ST6GALNAC3: variants seen among roughly 807,000 people sequenced by gnomAD.
The protein encoded by ST6GALNAC3 is alpha-N-acetylgalactosaminide alpha-2,6-sialyltransferase 3.
In ST6GALNAC3, 25 loss-of-function variants were observed where a neutral mutation model predicts 32.7. The observed-to-expected ratio is 0.76, with a 90% CI of 0.56 to 1.07. ST6GALNAC3 has a LOEUF of 1.07. ST6GALNAC3 is among the 50% of genes least tolerant of loss of function. The probability of loss-of-function intolerance (pLI) is 0.00; values close to 1 mark genes in which losing one functional copy is unlikely to be tolerated. For missense variants in ST6GALNAC3, 355 were observed against 382.4 expected, an observed-to-expected ratio of 0.93 and a Z score of 0.60; for synonymous variants, 129 against 133.1, an observed-to-expected ratio of 0.97 and a Z score of 0.21.
rs929148506 is a variant in ST6GALNAC3, at chr1:76,487,040, G to A, written c.623+74623G>A. On this transcript the variant is annotated intron_variant, in intron 3 of 4. Transcript: ENST00000328299. ...ATTGAAAATTCTTCTCTTTAAGAAT[G>A]TTGAATATTGGCCCCTACTCTCTTC... Among the ~76,000 whole-genome samples the A allele has an allele frequency of 2.4e-4, 37 of 152,302 alleles. 1 individual carries two copies. In the East Asian group the frequency reaches 7.0e-3, roughly 29 times the overall value.
Position 76,308,659 on chromosome 1 carries a change from C to T in ST6GALNAC3, c.19-5146C>T, listed in dbSNP as rs568732580. On this transcript the variant is annotated intron_variant, in intron 1 of 4. Coordinates refer to ENST00000328299, the MANE Select transcript of ST6GALNAC3 (RefSeq NM_152996.4). Reference sequence around the variant, plus strand: ...ACTAGAACAAGCCATAGATGGAATACATTTATTGATGGAATAAGTCAAACA... The same window carrying T: ...ACTAGAACAAGCCATAGATGGAATATATTTATTGATGGAATAAGTCAAACA... Among the ~76,000 whole-genome samples the T allele has an allele frequency of 1.0e-3, 158 of 152,232 alleles. No individual in the cohort carries two copies. In the Middle Eastern group the frequency reaches 0.02, roughly 20 times the overall value.
intron 1 of ST6GALNAC3, among the ~76,000 whole-genome samples, chr1:76,121,819 A>G (rs948079027): frequency 6.6e-6 from 1 of 152,176 alleles, no homozygotes; most frequent in Non-Finnish European, 1.5e-5. Context: ...ATTCCTTCTA[A>G]TAGTTCTGGG....
chr1:76,157,138 A>C (rs77926551), intron 1 of ST6GALNAC3, among the ~76,000 whole-genome samples: 3,474 of 142,432 alleles, frequency 0.024, 117 homozygotes, highest in African/African-American at 0.08. Flanking sequence ...TGACAGCAAG[A>C]AAACATGTGC....
intron 2 of ST6GALNAC3, among the ~76,000 whole-genome samples, chr1:76,356,292 A>G (rs959193620): frequency 6.6e-6 from 1 of 152,218 alleles, no homozygotes; most frequent in Non-Finnish European, 1.5e-5. Flanking sequence ...TCAAAGAAGC[A>G]GGCAATTCAT....
At chr1:76,449,909 C>T (rs890299823) in intron 3 of ST6GALNAC3, among the ~76,000 whole-genome samples, 27 of 152,230 alleles carry the variant, frequency 1.8e-4, no homozygotes, top group Admixed American at 1.6e-3. Context: ...TTTTGGTGCA[C>T]CCATCACCCA....
chr1:76,515,274 G>C (rs1310552745), intron 3 of ST6GALNAC3, among the ~76,000 whole-genome samples: 1 of 151,954 alleles, frequency 6.6e-6, no homozygotes, highest in African/African-American at 2.4e-5. Context: ...GATGTCAGTT[G>C]TAGTGTCACC....
At chr1:76,244,100 G>A (rs1486879658) in intron 1 of ST6GALNAC3, among the ~76,000 whole-genome samples, 1 of 151,386 alleles carries the variant, frequency 6.6e-6, no homozygotes, top group African/African-American at 2.4e-5. Flanking sequence ...TTTTTCATTT[G>A]TTTGTGTCCT....
intron 1 of ST6GALNAC3, among the ~76,000 whole-genome samples, chr1:76,276,034 C>T (rs113258705): frequency 6.6e-6 from 1 of 152,126 alleles, no homozygotes; most frequent in Non-Finnish European, 1.5e-5. Context: ...TTGCAACCCA[C>T]ATCTTCCAGT....
chr1:76,276,968 CTGTT>C (rs1379709707), intron 1 of ST6GALNAC3, among the ~76,000 whole-genome samples: 1 of 152,024 alleles, frequency 6.6e-6, no homozygotes, highest in African/African-American at 2.4e-5. Context: ...TGTGAAATGT[CTGTT>C]TATGATTTTT....
Position 76,336,933 on chromosome 1 carries a change from A to G in ST6GALNAC3, c.213+22934A>G, listed in dbSNP as rs138193653. On this transcript the variant is annotated intron_variant, in intron 2 of 4. Coordinates refer to ENST00000328299, the MANE Select transcript of ST6GALNAC3 (RefSeq NM_152996.4). ...CATTGGGTCTGTGGTGTATTTGTGA[A>G]CAACAGCTGCATTTGCAAGTAGCCA... Among the ~76,000 whole-genome samples, 514 of 152,298 alleles carry G rather than the reference A, an allele frequency of 3.4e-3. 3 individuals carry two copies. Among genetic ancestry groups the G allele is most frequent in the African/African-American group, 0.012 (498 of 41,554 alleles).
chr1:76,353,275 G>T (rs142278318), intron 2 of ST6GALNAC3, among the ~76,000 whole-genome samples: 1 of 152,010 alleles, frequency 6.6e-6, no homozygotes, highest in East Asian at 1.9e-4. Flanking sequence ...TACGTTCTTC[G>T]GGCCCACGCG....
chr1:76,186,995 C>T (rs981659340), intron 1 of ST6GALNAC3, among the ~76,000 whole-genome samples: 1 of 152,176 alleles, frequency 6.6e-6, no homozygotes, highest in African/African-American at 2.4e-5. Context: ...TCCATCCCTT[C>T]CTCCCACCCT....
chr1:76,445,672 G>A (rs1011170540), intron 3 of ST6GALNAC3, among the ~76,000 whole-genome samples: 12 of 152,048 alleles, frequency 7.9e-5, no homozygotes, highest in African/African-American at 2.2e-4. Flanking sequence ...TGATGGCTGC[G>A]TAGTATCTTA....
chr1:76,179,682 GAT>G (rs547510722), intron 1 of ST6GALNAC3, among the ~76,000 whole-genome samples: 113 of 152,236 alleles, frequency 7.4e-4, no homozygotes, highest in South Asian at 5.4e-3. Flanking sequence ...GATCTACCTT[GAT>G]CTTAGCCAAA....
intron 3 of ST6GALNAC3, among the ~76,000 whole-genome samples, chr1:76,478,573 T>G (rs898549384): frequency 1.3e-5 from 2 of 152,078 alleles, no homozygotes; most frequent in African/African-American, 4.8e-5. Flanking sequence ...GCCCAGTATT[T>G]CTAACTCCCA....
chr1:76,335,526 G>A (rs1647397890), intron 2 of ST6GALNAC3, among the ~76,000 whole-genome samples: 1 of 152,036 alleles, frequency 6.6e-6, no homozygotes, highest in African/African-American at 2.4e-5. Flanking sequence ...TTTGAGAGGG[G>A]GGAAGAAACT....
chr1:76,161,492 C>G (rs1651804547), intron 1 of ST6GALNAC3, among the ~76,000 whole-genome samples: 1 of 152,166 alleles, frequency 6.6e-6, no homozygotes, highest in African/African-American at 2.4e-5. Context: ...TTCCACTCTC[C>G]CTGGAGGATA....
intron 1 of ST6GALNAC3, among the ~76,000 whole-genome samples, chr1:76,110,824 G>A (rs1386444928): frequency 1.3e-5 from 2 of 152,206 alleles, no homozygotes; most frequent in African/African-American, 2.4e-5. Flanking sequence ...GGAAAATACC[G>A]TGATAAGACA....
chr1:76,125,805 C>T (rs771881126), intron 1 of ST6GALNAC3, among the ~76,000 whole-genome samples: 1 of 152,164 alleles, frequency 6.6e-6, no homozygotes, highest in Non-Finnish European at 1.5e-5. Flanking sequence ...TCTCCTTCAT[C>T]CTGATGCATT....
Sources: allele counts gnomAD v4.1 joint callset (sites outside exome capture counted in the v4.1 genomes callset), GRCh38; gene constraint gnomAD v4.1.1; transcripts MANE v1.5; gene names NCBI Gene and HGNC (gene_info 2026-07-23, HGNC 2026-07-21).